Variants in GCKR observed in about 807,000 individuals in gnomAD.
GCKR encodes the protein glucokinase regulatory protein.
Under a neutral mutation model 82.9 loss-of-function variants are expected in GCKR, and 73 were observed. The ratio of observed to expected loss-of-function variants is 0.88; its 90% CI spans 0.73 to 1.07. GCKR has a LOEUF of 1.07. GCKR is among the 50% of genes least tolerant of loss of function. GCKR has a pLI of 0.00. For synonymous variants in GCKR, 294 were observed against 291.8 expected (o/e 1.01, Z -0.08); for missense variants, 784 against 782.1 (o/e 1.00, Z -0.03).
intron 16 of GCKR, among the ~76,000 whole-genome samples, chr2:27,515,656 G>C (rs1395136824): frequency 2.6e-5 from 4 of 151,142 alleles, no homozygotes; most frequent in Non-Finnish European, 5.9e-5. Context: ...TAAACACTTA[G>C]ATCTTTAATT....
chr2:27,515,767 T>TATATA (rs1558441520), intron 16 of GCKR, among the ~76,000 whole-genome samples: 35 of 71,964 alleles, frequency 4.9e-4, no homozygotes, highest in African/African-American at 5.2e-4. Context: ...ATATATATAT[T>TATATA]TTTTTTTTTT....
intron 17 of GCKR, 114 bp downstream of exon 17, chr2:27,519,051 G>C (rs1042469755): frequency 1.1e-6 from 1 of 884,892 alleles, no homozygotes; most frequent in African/African-American, 1.6e-5. Context: ...TGCCTTTTCT[G>C]TGTGCTTCTG....
chr2:27,517,826 C>A (rs1402803543), intron 16 of GCKR, among the ~76,000 whole-genome samples: 1 of 152,184 alleles, frequency 6.6e-6, no homozygotes, highest in East Asian at 1.9e-4. Flanking sequence ...TACATAGGTT[C>A]TCTCATTCAT....
intron 17 of GCKR, among the ~76,000 whole-genome samples, chr2:27,520,833 C>T (rs1451682411): frequency 1.3e-5 from 2 of 151,480 alleles, no homozygotes; most frequent in Non-Finnish European, 2.9e-5. Context: ...GTCAGGAGTT[C>T]GAGACCAGCC....
rs1290729274 is a variant in GCKR, at chr2:27,503,587, CAG to C, written c.720_721del (p.Lys241SerfsTer38). ...GCGGATGCAGAAAATGCAGGAGAAA[CAG>C]AAAGCTTTTGTGCTCAATCCTGCCA... Reference protein sequence around the residue: ...AERMQKMQEKQKAFVLNPAIG... With the variant: ...AERMQKMQEKXKAFVLNPAIG... On this transcript the variant is annotated frameshift_variant, in exon 9 of 19. Coordinates refer to ENST00000264717, the MANE Select transcript of GCKR (RefSeq NM_001486.4). LOFTEE classifies it high-confidence loss of function. 1.9e-6 allele frequency: 3 copies of C among 1,609,208 alleles called. No homozygotes were observed. Among genetic ancestry groups the C allele is most frequent in the Non-Finnish European group, 2.6e-6 (3 of 1,175,610 alleles).
rs556375816 is a variant in GCKR at position 27,503,715 on chromosome 2, C to T, written c.750+96C>T. The T allele has an allele frequency of 8.3e-6, 6 of 726,750 alleles. No homozygotes were observed. In the South Asian group the frequency reaches 8.9e-5, roughly 11 times the overall value. 45.0% of individuals were successfully genotyped at this position (726,750 alleles called of 1,614,324 possible). On this transcript the variant is annotated intron_variant, in intron 9 of 18. Coordinates refer to ENST00000264717, the MANE Select transcript of GCKR (RefSeq NM_001486.4). Reference sequence around the variant, plus strand: ...CCTCTGATTTTAGGTTCTATTATATCTTGTTTAAATTCCTGAGGTATTGTG... The same window carrying T: ...CCTCTGATTTTAGGTTCTATTATATTTTGTTTAAATTCCTGAGGTATTGTG...
At chr2:27,515,229 C>T (rs368554451) in intron 16 of GCKR, among the ~76,000 whole-genome samples, 270 of 151,858 alleles carry the variant, frequency 1.8e-3, no homozygotes, top group African/African-American at 6.3e-3. Context: ...CTGCCCATGT[C>T]GGCCTCCCAA....
Position 27,497,405 on chromosome 2 carries a change from C to T in GCKR, c.216+6C>T. 6.2e-7 allele frequency: 1 copy of T among 1,612,966 alleles called. No homozygotes were observed. ...AAGCCCTGTCCACATACCAGGTAAC[C>T]AAGACCCAAGACCTGGACCCTGGAA... On this transcript the variant is annotated splice_donor_region_variant and intron_variant, in intron 2 of 18. Coordinates refer to ENST00000264717, the MANE Select transcript of GCKR (RefSeq NM_001486.4).
At chr2:27,499,348 G>C in intron 6 of GCKR, 49 bp from the exon 7 acceptor site, 2 of 1,475,832 alleles carry the variant, frequency 1.4e-6, no homozygotes, top group Non-Finnish European at 1.9e-6. Context: ...GTAGATTTGT[G>C]CCCTGGAATC....
intron 16 of GCKR, among the ~76,000 whole-genome samples, chr2:27,510,263 C>A (rs1669850487): frequency 6.6e-6 from 1 of 152,136 alleles, no homozygotes; most frequent in African/African-American, 2.4e-5. Flanking sequence ...CCCGCCTCAG[C>A]CTCCCAAAGT....
chr2:27,501,013 T>C (rs568157141), intron 7 of GCKR, 122 bp from the exon 8 acceptor site: 34 of 814,252 alleles, frequency 4.2e-5, no homozygotes, highest in Non-Finnish European at 6.7e-5. Context: ...CAGTAGATTG[T>C]AACTGTACCT....
chr2:27,505,572 C>T, intron 9 of GCKR, 146 bp from the exon 10 acceptor site: 11 of 690,664 alleles, frequency 1.6e-5, no homozygotes, highest in South Asian at 1.4e-4. Context: ...TAATCTTCCT[C>T]TCGGTCAAGC....
At chr2:27,520,861 C>T (rs1670134964) in intron 17 of GCKR, among the ~76,000 whole-genome samples, 1 of 151,650 alleles carries the variant, frequency 6.6e-6, no homozygotes, top group South Asian at 2.1e-4. Flanking sequence ...CATGGTGAAA[C>T]CCCGTCTCTA....
intron 14 of GCKR, 66 bp from the exon 15 acceptor site, chr2:27,507,911 C>T: frequency 5.6e-6 from 7 of 1,248,286 alleles, no homozygotes; most frequent in Non-Finnish European, 8.3e-6. Context: ...TGGACCCCAG[C>T]CAGGGGAGCA....
chr2:27,507,283 T>C lies in GCKR; in HGVS notation c.1115T>C (p.Phe372Ser). 6.2e-7 allele frequency: 1 copy of C among 1,612,776 alleles called. No individual in the cohort carries two copies. The highest frequency in any genetic ancestry group is 8.5e-7 in the Non-Finnish European group (1 of 1,178,736). ...GFLIGDHSDM[F>S]NQKAELTNQG... ...CTCATTGGTGATCACAGTGACATGT[T>C]TAACCAGAAGGCTGAGCTCACCAAC... The change falls in exon 13 of 19, where the codon TTT becomes TCT. Residue 372 changes from phenylalanine to serine, a missense_variant. Physicochemically the swap from Phe to Ser is radical, Grantham distance 155. Coordinates refer to ENST00000264717, the MANE Select transcript of GCKR (RefSeq NM_001486.4).
At chr2:27,499,524 T>C in intron 7 of GCKR, 74 bp downstream of exon 7, 1 of 1,055,020 alleles carries the variant, frequency 9.5e-7, no homozygotes, top group East Asian at 2.4e-5. Context: ...GCATGGAAGA[T>C]AGATCAATGA....
chr2:27,505,879 T>C (rs757589335), intron 10 of GCKR, 43 bp downstream of exon 10: 1 of 1,029,760 alleles, frequency 9.7e-7, no homozygotes, highest in South Asian at 1.3e-5. Flanking sequence ...GTCAGGCGAG[T>C]GTGAGATGGT....
At chr2:27,515,487 G>A (rs1270902229) in intron 16 of GCKR, among the ~76,000 whole-genome samples, 1 of 151,800 alleles carries the variant, frequency 6.6e-6, no homozygotes, top group Non-Finnish European at 1.5e-5. Context: ...TGTTGGCCAG[G>A]CTGGTCTTAA....
chr2:27,520,238 A>G (rs1006608291), intron 17 of GCKR, among the ~76,000 whole-genome samples: 1 of 152,098 alleles, frequency 6.6e-6, no homozygotes, highest in Non-Finnish European at 1.5e-5. Flanking sequence ...GTCCTTACTG[A>G]AGTCCAGTGG....
Sources: gnomAD v4.1 joint callset for allele counts (sites outside exome capture counted in the v4.1 genomes callset) on GRCh38, gnomAD v4.1.1 for gene constraint, MANE v1.5 for transcripts, NCBI Gene and HGNC (gene_info 2026-07-23, HGNC 2026-07-21) for gene names.